SPATS2: variants seen among roughly 807,000 people sequenced by gnomAD.
SPATS2 encodes spermatogenesis associated serine rich 2.
In SPATS2, 38 loss-of-function variants were observed where a neutral mutation model predicts 63.7. That is an observed-to-expected ratio of 0.60 (90% CI 0.46 to 0.78). The LOEUF is 0.78. SPATS2 is among the 30% of genes least tolerant of loss of function. SPATS2 has a pLI of 0.00. For missense variants in SPATS2, 588 were observed against 666.2 expected (o/e 0.88, Z 1.29); for synonymous variants, 207 against 232.9 (o/e 0.89, Z 1.01).
intron 3 of SPATS2, among the ~76,000 whole-genome samples, chr12:49,462,051 A>G (rs951959725): frequency 1.3e-5 from 2 of 152,194 alleles, no homozygotes; most frequent in Non-Finnish European, 2.9e-5. Flanking sequence ...GAGAAATACT[A>G]TAGTAAAAAT....
chr12:49,405,658 T>C (rs1308446350), intron 2 of SPATS2, among the ~76,000 whole-genome samples: 1 of 150,804 alleles, frequency 6.6e-6, no homozygotes, highest in Non-Finnish European at 1.5e-5. Flanking sequence ...GAGGTTGCAG[T>C]GAGCCGAGAT....
At chr12:49,447,502 G>C (rs1945535592) in intron 2 of SPATS2, among the ~76,000 whole-genome samples, 1 of 152,200 alleles carries the variant, frequency 6.6e-6, no homozygotes, top group Admixed American at 6.5e-5. Flanking sequence ...CTCCCAAAGT[G>C]CTGGGATTAC....
At chr12:49,507,159 ACTTGTAGTGCCTTGT>A (rs1946668177) in intron 9 of SPATS2, among the ~76,000 whole-genome samples, 1 of 152,202 alleles carries the variant, frequency 6.6e-6, no homozygotes, top group Non-Finnish European at 1.5e-5. Context: ...TTAAGTCACA[ACTTGTAGTGCCTTGT>A]GATTCTGGGA....
chr12:49,491,143 CAA>C (rs1208429592), intron 6 of SPATS2: 40 of 111,112 alleles, frequency 3.6e-4, no homozygotes, highest in South Asian at 1.1e-3. Context: ...GACTCCATCT[CAA>C]AAAAAAAAAA....
chr12:49,517,614 T>G (rs1229309088), intron 10 of SPATS2, among the ~76,000 whole-genome samples: 1 of 152,084 alleles, frequency 6.6e-6, no homozygotes, highest in East Asian at 1.9e-4. Context: ...GGACCCAGGA[T>G]CTTCTGTTCT....
At chr12:49,370,022 T>C (rs1327417622) in intron 1 of SPATS2, among the ~76,000 whole-genome samples, 1 of 152,140 alleles carries the variant, frequency 6.6e-6, no homozygotes, top group East Asian at 1.9e-4. Context: ...GAGCCACAGG[T>C]TATGGCCAAA....
Position 49,494,897 on chromosome 12 carries a change from A to T in SPATS2, c.421A>T (p.Thr141Ser). Residue 141 changes from threonine (T) to serine (S), a missense_variant, in exon 7 of 14, where the codon ACT becomes TCT. Physicochemically the swap from Thr to Ser is moderately conservative, Grantham distance 58. Coordinates refer to ENST00000552918, the MANE Select transcript of SPATS2 (RefSeq NM_023071.4). ...CCATGTCAATGGTGCCATCAATGAC[A>T]CTGAGTCTGTGGACTCACTCAGTGA... ...GYHVNGAIND[T>S]ESVDSLSEGL... The T allele has an allele frequency of 6.2e-7, 1 of 1,614,062 alleles. No individual in the cohort carries two copies. The highest frequency in any genetic ancestry group is 8.5e-7 in the Non-Finnish European group (1 of 1,180,014).
At chr12:49,472,173 A>G (rs2137758453) in intron 3 of SPATS2, among the ~76,000 whole-genome samples, 1 of 152,176 alleles carries the variant, frequency 6.6e-6, no homozygotes, top group East Asian at 1.9e-4. Context: ...TTTATTATTG[A>G]AAAGTTTAAA....
intron 2 of SPATS2, among the ~76,000 whole-genome samples, chr12:49,404,234 G>A (rs980148705): frequency 5.8e-4 from 88 of 152,028 alleles, no homozygotes; most frequent in Middle Eastern, 3.4e-3. Context: ...AGTCTTAGGT[G>A]GGGTAGGGAG....
chr12:49,522,690 G>C (rs778896170), intron 11 of SPATS2, 61 bp from the exon 12 acceptor site: 14 of 1,360,398 alleles, frequency 1.0e-5, no homozygotes, highest in Non-Finnish European at 1.5e-5. Context: ...TGTATAGCAA[G>C]TTATAGATTC....
At position 49,464,582 on chromosome 12, in the gene SPATS2, G is replaced by A. The variant is rs372507766; in HGVS notation, c.25+3545G>A. The stretch of plus-strand genomic sequence containing the variant: ...GTGGAGGTTGCGATGAGCCGAGATC[G>A]TGCCATTGCACTCCAGCCTGGGCAA... On this transcript the variant is annotated intron_variant, in intron 3 of 13. Transcript: ENST00000552918. Among the ~76,000 whole-genome samples the A allele has an allele frequency of 8.1e-5, 12 of 149,024 alleles. No individual in the cohort carries two copies. The East Asian group carries it at 1.6e-3, about 20-fold the overall frequency.
chr12:49,403,412 G>A (rs1944639410), intron 2 of SPATS2, among the ~76,000 whole-genome samples: 2 of 152,222 alleles, frequency 1.3e-5, no homozygotes, highest in South Asian at 4.1e-4. Context: ...TGGATCACCT[G>A]AGGTCAGGAG....
intron 3 of SPATS2, among the ~76,000 whole-genome samples, chr12:49,481,484 T>G (rs1467059548): frequency 3.2e-5 from 4 of 126,212 alleles, no homozygotes; most frequent in Admixed American, 7.6e-5. Context: ...TTTTTTTTTT[T>G]GGAGATGGAG....
At chr12:49,385,874 GT>G (rs753323898) in intron 2 of SPATS2, among the ~76,000 whole-genome samples, 12,673 of 139,502 alleles carry the variant, frequency 0.091, 682 homozygotes, top group African/African-American at 0.14. Flanking sequence ...TTTGTTTTTT[GT>G]TTTTTTTTTT....
chr12:49,468,173 T>C (rs574257925), intron 3 of SPATS2, among the ~76,000 whole-genome samples: 4 of 151,264 alleles, frequency 2.6e-5, no homozygotes, highest in East Asian at 1.9e-4. Flanking sequence ...TTTTCTTTTT[T>C]TTTTTGAAAT....
chr12:49,446,998 G>A (rs1158265227), intron 2 of SPATS2, among the ~76,000 whole-genome samples: 5 of 150,838 alleles, frequency 3.3e-5, no homozygotes, highest in Non-Finnish European at 2.9e-5. Context: ...GCACGATCTC[G>A]GCTCACTGCA....
chr12:49,405,232 A>G (rs1351576046), intron 2 of SPATS2, among the ~76,000 whole-genome samples: 1 of 152,198 alleles, frequency 6.6e-6, no homozygotes, highest in Non-Finnish European at 1.5e-5. Context: ...ATATTTATAT[A>G]TAATCTTTTT....
At chr12:49,432,094 T>C (rs965875420) in intron 2 of SPATS2, among the ~76,000 whole-genome samples, 1 of 152,236 alleles carries the variant, frequency 6.6e-6, no homozygotes, top group Non-Finnish European at 1.5e-5. Flanking sequence ...ATTTACATTC[T>C]CACTTAGATG....
intron 8 of SPATS2, 143 bp downstream of exon 8, chr12:49,497,152 T>C: frequency 2.5e-6 from 2 of 795,916 alleles, no homozygotes; most frequent in Non-Finnish European, 3.8e-6. Flanking sequence ...GACTGACTAC[T>C]CAGCCCTTCC....
Sources: allele counts gnomAD v4.1 joint callset (sites outside exome capture counted in the v4.1 genomes callset), GRCh38; gene constraint gnomAD v4.1.1; transcripts MANE v1.5; gene names NCBI Gene and HGNC (gene_info 2026-07-23, HGNC 2026-07-21).